Variants in ARHGEF28 observed in about 807,000 individuals in gnomAD.
ARHGEF28 encodes 190 kDa guanine nucleotide exchange factor.
ARHGEF28 carries 152 observed loss-of-function variants against 206.6 expected under a neutral mutation model. The ratio of observed to expected loss-of-function variants is 0.74; its 90% confidence interval spans 0.64 to 0.84. The LOEUF (loss-of-function observed/expected upper bound fraction) is 0.84. ARHGEF28 is among the 40% of genes least tolerant of loss of function. The probability of loss-of-function intolerance (pLI) is 0.00; values close to 1 mark genes in which losing one functional copy is unlikely to be tolerated. For synonymous variants in ARHGEF28, 763 were observed against 776.4 expected, an observed-to-expected ratio of 0.98 and a Z score of 0.29; for missense variants, 2,028 against 2,073.2, an observed-to-expected ratio of 0.98 and a Z score of 0.42.
chr5:73,868,027 C>T lies in ARHGEF28; in HGVS notation c.2297+7C>T. On this transcript the variant is annotated splice_region_variant and intron_variant, in intron 19 of 35. Transcript: ENST00000513042. ...CAGGCACCACCTTGGAAAGGTAAGG[C>T]TGAGTGTGTTTTTACATATTAATGG... 1 of 1,613,798 alleles carries T rather than the reference C, an allele frequency of 6.2e-7. No homozygotes were observed. Among genetic ancestry groups the T allele is most frequent in the South Asian group, 1.1e-5 (1 of 91,054 alleles).
intron 33 of ARHGEF28, 124 bp from the exon 34 acceptor site, chr5:73,909,288 C>T: frequency 7.1e-7 from 1 of 1,407,228 alleles, no homozygotes; most frequent in Non-Finnish European, 9.4e-7. Context: ...AGAAAAAGGC[C>T]AGAAATATTA....
chr5:73,873,186 C>T lies in ARHGEF28; in HGVS notation c.2754C>T (p.Ser918=). 6.2e-7 allele frequency: 1 copy of T among 1,612,138 alleles called. No homozygotes were observed. The highest frequency in any genetic ancestry group is 8.5e-7 in the Non-Finnish European group (1 of 1,179,172). The change falls in exon 22 of 36, where the codon TCC becomes TCT. Residue 918 remains serine, a synonymous_variant. Transcript: ENST00000513042. ...FYSMKERRQE[S]CAGSDRNFVI... ...GTATGAAGGAACGAAGGCAGGAATC[C>T]TGTGCTGGCAGCGACAGGAATTTTG...
Position 73,870,102 on chromosome 5 carries a change from G to T in ARHGEF28, c.2459G>T (p.Ser820Ile). The T allele has an allele frequency of 6.2e-7, 1 of 1,613,942 alleles. No homozygotes were observed. Among genetic ancestry groups the T allele is most frequent in the Non-Finnish European group, 8.5e-7 (1 of 1,179,868 alleles). ...GATTCTTCTCTGTGGAGTGACCTCA[G>T]CAGTGATGCCCAGGAGTTTGAAGCA... is the stretch of plus-strand genomic sequence containing the variant. Reference protein sequence around the residue: ...VVDSSLWSDLSSDAQEFEAES... With the variant: ...VVDSSLWSDLISDAQEFEAES... Residue 820 changes from serine to isoleucine, a missense_variant, in exon 21 of 36, where the codon AGC becomes ATC. Around this residue, in one of 3 missense-constraint regions of ARHGEF28, gnomAD observed 1,002 missense variants for 1,015.3 expected, o/e 0.99. Transcript: ENST00000513042.
intron 2 of ARHGEF28, among the ~76,000 whole-genome samples, chr5:73,707,907 G>C (rs1378962473): frequency 1.3e-5 from 2 of 152,056 alleles, no homozygotes; most frequent in Non-Finnish European, 2.9e-5. Flanking sequence ...TGGTATTACT[G>C]ATTTTTTTTA....
intron 22 of ARHGEF28, among the ~76,000 whole-genome samples, chr5:73,876,105 G>A (rs1760463777): frequency 1.3e-5 from 2 of 149,442 alleles, no homozygotes; most frequent in Admixed American, 1.3e-4. Context: ...TTGAGCAGTG[G>A]TTTGTAGTTC....
In ARHGEF28 at chr5:73,777,300, TA is replaced by T. The variant is rs557870038; in HGVS notation, c.840+606del. 4.3e-4 allele frequency among the ~76,000 whole-genome samples: 65 copies of T among 152,306 alleles called. 1 individual carries two copies. The South Asian group carries it at 0.013, about 30-fold the overall frequency. ...GAATATTAAGAATATTTCCATCTTT[TA>T]ATTATGATTAATCAAGGTGTTATTT... On this transcript the variant is annotated intron_variant, in intron 6 of 35. Transcript: ENST00000513042.
At chr5:73,799,046 G>T (rs556359027) in intron 9 of ARHGEF28, among the ~76,000 whole-genome samples, 1 of 152,110 alleles carries the variant, frequency 6.6e-6, no homozygotes, top group African/African-American at 2.4e-5. Context: ...AGATCGCACC[G>T]TTCATTGCAC....
At chr5:73,918,134 T>A (rs1167628540) in intron 35 of ARHGEF28, among the ~76,000 whole-genome samples, 1 of 152,228 alleles carries the variant, frequency 6.6e-6, no homozygotes, top group Non-Finnish European at 1.5e-5. Context: ...CATTGATTTA[T>A]GTTTGCCTAA....
intron 35 of ARHGEF28, among the ~76,000 whole-genome samples, chr5:73,933,755 T>TATCA (rs1409177448): frequency 6.6e-6 from 1 of 152,190 alleles, no homozygotes; most frequent in Non-Finnish European, 1.5e-5. Flanking sequence ...CGGGACATCC[T>TATCA]ATCATTTCAT....
chr5:73,643,837 C>T (rs1744267629), intron 1 of ARHGEF28, among the ~76,000 whole-genome samples: 1 of 146,510 alleles, frequency 6.8e-6, no homozygotes. Context: ...AAAAAATTCA[C>T]TGCATTCCTT....
chr5:73,653,954 T>A (rs1422321721), intron 1 of ARHGEF28, among the ~76,000 whole-genome samples: 1 of 152,190 alleles, frequency 6.6e-6, no homozygotes, highest in Non-Finnish European at 1.5e-5. Context: ...AAAAGGTGTA[T>A]GAAAGAAAGG....
intron 9 of ARHGEF28, among the ~76,000 whole-genome samples, chr5:73,797,495 G>A (rs1030050355): frequency 6.6e-6 from 1 of 152,114 alleles, no homozygotes; most frequent in Non-Finnish European, 1.5e-5. Context: ...CTGCCTCCTG[G>A]GTTCAAGCAA....
At chr5:73,880,286 C>T (rs1760832243) in intron 22 of ARHGEF28, among the ~76,000 whole-genome samples, 1 of 152,204 alleles carries the variant, frequency 6.6e-6, no homozygotes, top group Admixed American at 6.5e-5. Flanking sequence ...CGGAAAAGCG[C>T]AGTATTCTGG....
At chr5:73,651,073 G>T (rs1303651322) in intron 1 of ARHGEF28, among the ~76,000 whole-genome samples, 1 of 152,156 alleles carries the variant, frequency 6.6e-6, no homozygotes, top group Non-Finnish European at 1.5e-5. Context: ...ATTAGAATGG[G>T]GGCTTGAACT....
At chr5:73,676,155 C>T (rs1321048429) in intron 1 of ARHGEF28, among the ~76,000 whole-genome samples, 1 of 149,986 alleles carries the variant, frequency 6.7e-6, no homozygotes, top group East Asian at 2.0e-4. Context: ...ACTGCAATCT[C>T]CTTCTCCTGG....
intron 1 of ARHGEF28, among the ~76,000 whole-genome samples, chr5:73,632,248 G>A (rs1340291349): frequency 1.3e-5 from 2 of 152,180 alleles, no homozygotes; most frequent in African/African-American, 4.8e-5. Context: ...GAATTAGACA[G>A]TTAGTCCTTC....
chr5:73,840,523 C>T lies in ARHGEF28; in HGVS notation c.1190C>T (p.Thr397Ile), dbSNP rs1206253590. 6 of 1,613,846 alleles carry T rather than the reference C, an allele frequency of 3.7e-6. No individual in the cohort carries two copies. Among genetic ancestry groups the T allele is most frequent in the African/African-American group, 2.7e-5 (2 of 74,912 alleles). ...AGCTATATTAATATAGAGGGAATCA[C>T]TGCCACTACCAGCCCTGAATCCAGA... ...DISYINIEGI[T>I]ATTSPESRGC... is the part of the protein sequence containing the mutation. Residue 397 changes from threonine (T) to isoleucine (I), a missense_variant, in exon 11 of 36, where the codon ACT (threonine) becomes ATT (isoleucine). Coordinates refer to ENST00000513042, the MANE Select transcript of ARHGEF28 (RefSeq NM_001177693.2).
At chr5:73,835,856 AGAATT>A (rs1487014205) in intron 10 of ARHGEF28, among the ~76,000 whole-genome samples, 1 of 152,186 alleles carries the variant, frequency 6.6e-6, no homozygotes, top group Non-Finnish European at 1.5e-5. Flanking sequence ...CGATAGTGCC[AGAATT>A]GAATTGAACT....
At position 73,904,278 on chromosome 5, in the gene ARHGEF28, C is replaced by A. The variant is rs1370583574; in HGVS notation, c.4113+18C>A. On this transcript the variant is annotated intron_variant, in intron 32 of 35. Coordinates refer to ENST00000513042, the MANE Select transcript of ARHGEF28 (RefSeq NM_001177693.2). ...AATCAGAGGTGAGCTGCTGCACATACCTTAAATGTATCACCAGCCTTTATT... is the reference window on the plus strand; with the variant it reads ...AATCAGAGGTGAGCTGCTGCACATAACTTAAATGTATCACCAGCCTTTATT... The A allele has an allele frequency of 3.1e-6, 5 of 1,613,596 alleles. No homozygotes were observed. The highest frequency in any genetic ancestry group is 1.3e-5 in the African/African-American group (1 of 74,896).
Sources: gnomAD v4.1 joint callset for allele counts (sites outside exome capture counted in the v4.1 genomes callset) on GRCh38, gnomAD v4.1.1 for gene constraint, gnomAD v4.1.1 regional missense constraint, MANE v1.5 for transcripts, NCBI Gene and HGNC (gene_info 2026-07-23, HGNC 2026-07-21) for gene names.